Variants in C1QTNF7 observed in about 807,000 individuals in gnomAD.
C1QTNF7 encodes C1q and TNF related 7.
C1QTNF7 carries 15 observed loss-of-function variants against 19.6 expected under a neutral mutation model. The ratio of observed to expected loss-of-function variants is 0.76; its 90% CI spans 0.51 to 1.18. The LOEUF is 1.18. Ranked by LOEUF, C1QTNF7 falls within the 50% of genes most tolerant of loss-of-function variation. The probability of loss-of-function intolerance (pLI) is 0.00; values close to 1 mark genes in which losing one functional copy is unlikely to be tolerated. For synonymous variants in C1QTNF7, 142 were observed against 137.5 expected, an observed-to-expected ratio of 1.03 and a Z score of -0.23; for missense variants, 324 against 359.7, an observed-to-expected ratio of 0.90 and a Z score of 0.80.
chr4:15,356,268 G>T (rs754717538), intron 1 of C1QTNF7, among the ~76,000 whole-genome samples: 1 of 151,854 alleles, frequency 6.6e-6, no homozygotes, highest in East Asian at 1.9e-4. Context: ...ACCCCCTGAC[G>T]GGCCCAGGTG....
chr4:15,353,874 A>C (rs1717025662), intron 1 of C1QTNF7, among the ~76,000 whole-genome samples: 2 of 152,190 alleles, frequency 1.3e-5, no homozygotes, highest in African/African-American at 4.8e-5. Flanking sequence ...TAATGAACTT[A>C]TGAATCTTAA....
At position 15,442,549 on chromosome 4, in the gene C1QTNF7, C is replaced by T; in HGVS notation, c.620C>T (p.Ala207Val). ...ATCACATTGGCTAATAAGCATCTGG[C>T]AATCGGACTGGTACACAATGGGCAA... ...YDITLANKHLAIGLVHNGQYR... is the reference protein window; with the variant it reads ...YDITLANKHLVIGLVHNGQYR... Residue 207 changes from alanine (A) to valine (V), a missense_variant, in exon 3 of 3, where the codon GCA (alanine) becomes GTA (valine). Coordinates refer to ENST00000444304, the MANE Select transcript of C1QTNF7 (RefSeq NM_031911.5). 6.2e-7 allele frequency: 1 copy of T among 1,614,188 alleles called. No individual in the cohort carries two copies. Among genetic ancestry groups the T allele is most frequent in the Middle Eastern group, 1.6e-4 (1 of 6,062 alleles).
In C1QTNF7 at chr4:15,428,122, T is replaced by A; in HGVS notation, c.-9+16T>A. 1.0e-6 allele frequency: 1 copy of A among 971,834 alleles called. No individual in the cohort carries two copies. The highest frequency in any genetic ancestry group is 1.2e-6 in the Non-Finnish European group (1 of 817,986). 60.2% of individuals were successfully genotyped at this position (971,834 alleles called of 1,614,324 possible). On this transcript the variant is annotated intron_variant, in intron 1 of 2. Coordinates refer to ENST00000444304, the MANE Select transcript of C1QTNF7 (RefSeq NM_031911.5). ...TAAGAGCAAGGTATGGTGTTTACTC[T>A]TTTTTTTAGAATTTTGGCAAATGTA...
rs1272704222 is a variant in C1QTNF7 at position 15,442,357 on chromosome 4, G to A, written c.428G>A (p.Ser143Asn). 1.2e-6 allele frequency: 2 copies of A among 1,614,022 alleles called. No individual in the cohort carries two copies. The highest frequency in any genetic ancestry group is 1.7e-6 in the Non-Finnish European group (2 of 1,180,032). ...PGLPGVCRCGSIVLKSAFSVG... is the reference protein window; with the variant it reads ...PGLPGVCRCGNIVLKSAFSVG... Reference sequence around the variant, plus strand: ...CTGCCTGGAGTTTGCAGATGTGGAAGCATCGTGCTCAAATCCGCCTTTTCT... The same window carrying A: ...CTGCCTGGAGTTTGCAGATGTGGAAACATCGTGCTCAAATCCGCCTTTTCT... The change falls in exon 3 of 3, where the codon AGC (serine) becomes AAC (asparagine). Residue 143 changes from serine to asparagine, a missense_variant. By Grantham distance (46) the Ser-to-Asn change is conservative. Coordinates refer to ENST00000444304, the MANE Select transcript of C1QTNF7 (RefSeq NM_031911.5).
chr4:15,360,327 T>C (rs1417241173), intron 1 of C1QTNF7, among the ~76,000 whole-genome samples: 8 of 152,178 alleles, frequency 5.3e-5, no homozygotes, highest in Admixed American at 3.9e-4. Flanking sequence ...CCTAGGGAAA[T>C]AAAGAGTTAG....
intron 1 of C1QTNF7, among the ~76,000 whole-genome samples, chr4:15,384,365 C>T (rs914814088): frequency 6.6e-6 from 1 of 152,152 alleles, no homozygotes; most frequent in African/African-American, 2.4e-5. Context: ...GCCCATGACA[C>T]CATGCATATA....
intron 1 of C1QTNF7, among the ~76,000 whole-genome samples, chr4:15,434,544 C>T (rs11724613): frequency 0.022 from 3,345 of 152,278 alleles, 59 homozygotes; most frequent in Non-Finnish European, 0.032. Context: ...ATGGGTCCAA[C>T]CATCCAAACA....
intron 1 of C1QTNF7, among the ~76,000 whole-genome samples, chr4:15,393,722 C>T (rs543663229): frequency 6.6e-6 from 1 of 152,138 alleles, no homozygotes; most frequent in Non-Finnish European, 1.5e-5. Context: ...AAGGCAAACC[C>T]ACCTCTTCCA....
At chr4:15,427,625 G>A (rs1712109585), upstream of C1QTNF7, among the ~76,000 whole-genome samples, 1 of 152,108 alleles carries the variant, frequency 6.6e-6, no homozygotes. Flanking sequence ...ACCATCCTAG[G>A]TCCAGAATCT....
intron 1 of C1QTNF7, among the ~76,000 whole-genome samples, chr4:15,395,316 G>A (rs1718743682): frequency 6.6e-6 from 1 of 152,172 alleles, no homozygotes; most frequent in African/African-American, 2.4e-5. Context: ...AAAAGAGATG[G>A]TGGGGGGCGT....
chr4:15,340,231 T>C (rs1431473709), intron 1 of C1QTNF7: 1 of 1,551,146 alleles, frequency 6.4e-7, no homozygotes, highest in Admixed American at 2.0e-5. Context: ...TTCACTGCAG[T>C]TTTTCTCTTT....
intron 1 of C1QTNF7, among the ~76,000 whole-genome samples, chr4:15,377,623 G>T (rs1717987943): frequency 6.6e-6 from 1 of 152,164 alleles, no homozygotes; most frequent in African/African-American, 2.4e-5. Context: ...AGCCAACAGG[G>T]GATGCCAAAC....
In C1QTNF7 at chr4:15,375,190, A is replaced by G. The variant is rs570729350; in HGVS notation, c.13+34983A>G. Among the ~76,000 whole-genome samples the G allele has an allele frequency of 9.8e-4, 149 of 152,198 alleles. 2 individuals are homozygous for G. The highest frequency in any genetic ancestry group is 3.5e-3 in the African/African-American group (145 of 41,548). On this transcript the variant is annotated intron_variant, in intron 1 of 2. Transcript: ENST00000295297. ...AATTCACATTGAAGGTGCTTTCTTC[A>G]TTTTGATACACTGTAGGATTTTAGT...
chr4:15,427,681 T>C (rs1480618590), upstream of C1QTNF7: 1 of 152,206 alleles, frequency 6.6e-6, no homozygotes, highest in Non-Finnish European at 1.5e-5. Context: ...GGCTTTTTTC[T>C]CTAAGTTAAC....
chr4:15,344,821 G>A (rs754163493), intron 1 of C1QTNF7, among the ~76,000 whole-genome samples: 38 of 152,070 alleles, frequency 2.5e-4, no homozygotes, highest in Admixed American at 4.6e-4. Context: ...ATATTCCTTC[G>A]GGAGAAACTT....
intron 1 of C1QTNF7, chr4:15,358,144 G>T (rs967852203): frequency 1.3e-5 from 2 of 152,106 alleles, no homozygotes; most frequent in African/African-American, 4.8e-5. Context: ...GTGAGAGAAG[G>T]CATTCTTGTC....
chr4:15,366,474 A>G (rs1301938991), intron 1 of C1QTNF7, among the ~76,000 whole-genome samples: 3 of 152,172 alleles, frequency 2.0e-5, no homozygotes, highest in African/African-American at 7.2e-5. Flanking sequence ...TGCACAGCCC[A>G]AGTCTGTGTT....
intron 2 of C1QTNF7, 60 bp from the exon 3 acceptor site, chr4:15,442,108 T>A: frequency 6.6e-7 from 1 of 1,517,994 alleles, no homozygotes; most frequent in Middle Eastern, 1.8e-4. Flanking sequence ...CATGTAGGTA[T>A]ATTGTTTGTG....
intron 1 of C1QTNF7, among the ~76,000 whole-genome samples, chr4:15,363,460 G>A (rs1347789045): frequency 2.6e-5 from 4 of 152,162 alleles, no homozygotes; most frequent in Admixed American, 2.6e-4. Context: ...TCAATGCCAT[G>A]ACTGCATTCT....
Sources: gnomAD v4.1 joint callset for allele counts (sites outside exome capture counted in the v4.1 genomes callset) on GRCh38, gnomAD v4.1.1 for gene constraint, MANE v1.5 for transcripts, NCBI Gene and HGNC (gene_info 2026-07-23, HGNC 2026-07-21) for gene names.